Variants in MTERF4 observed in about 807,000 individuals in gnomAD.
MTERF4 encodes mitochondrial transcription termination factor 4, also known as transcription termination factor 4, mitochondrial.
Under a neutral mutation model 22.5 loss-of-function variants are expected in MTERF4, and 17 were observed. The ratio of observed to expected loss-of-function variants is 0.75; its 90% CI spans 0.52 to 1.13. The LOEUF is 1.13. MTERF4 is among the 50% of genes most tolerant of loss of function. The probability of loss-of-function intolerance (pLI) is 0.00; values close to 1 mark genes in which losing one functional copy is unlikely to be tolerated. For synonymous variants in MTERF4, 165 were observed against 175.3 expected, an observed-to-expected ratio of 0.94 and a Z score of 0.47; for missense variants, 420 against 466.8, an observed-to-expected ratio of 0.90 and a Z score of 0.92.
chr2:241,048,236 G>C, the MTERF4 span: 1 of 1,452,850 alleles, frequency 6.9e-7, no homozygotes, highest in Non-Finnish European at 9.1e-7. Context: ...AAACCCAAAG[G>C]TGCCATTGGA....
At chr2:241,063,311 C>G in the MTERF4 span, 5 of 519,788 alleles carry the variant, frequency 9.6e-6, no homozygotes, top group Non-Finnish European at 1.7e-5. Context: ...CCCAGGGAGC[C>G]GTGCCCAGTC....
chr2:241,089,387 G>A (rs891471307), downstream of MTERF4: 8 of 1,550,414 alleles, frequency 5.2e-6, no homozygotes, highest in Admixed American at 3.9e-5. Flanking sequence ...AAGGAGAAAT[G>A]TCATTCAGGA....
downstream of MTERF4, chr2:241,068,772 C>T (rs2062576390): frequency 2.5e-5 from 16 of 629,594 alleles, no homozygotes; most frequent in East Asian, 2.8e-4. The surrounding 1 kb of genome is among the most constrained non-coding windows in gnomAD (Gnocchi z 5.3). Flanking sequence ...GTCTGCCCCT[C>T]GTGGAGGTTG....
chr2:241,071,473 TC>T, downstream of MTERF4: 1 of 1,381,328 alleles, frequency 7.2e-7, no homozygotes, highest in Non-Finnish European at 9.9e-7. Context: ...CCTTCCCTTC[TC>T]CAAGCACGGC....
chr2:241,067,912 C>G, downstream of MTERF4: 2 of 1,613,258 alleles, frequency 1.2e-6, no homozygotes, highest in Non-Finnish European at 1.7e-6. Context: ...ACCAGGCCAC[C>G]GATGTGGACA....
rs1020585648 is a variant in MTERF4 at position 241,073,680 on chromosome 2, A to C, written n.2482T>G. 6.4e-6 allele frequency: 3 copies of C among 467,512 alleles called. No individual in the cohort carries two copies. The highest frequency in any genetic ancestry group is 5.9e-5 in the African/African-American group (3 of 50,654). The allele number at this position is 467,512 out of a possible 1,614,324, so 29.0% of individuals were successfully genotyped here. A position where few individuals can be genotyped will look rare whatever the true frequency, so the allele number is the denominator to read the frequency against. On this transcript the variant is annotated non_coding_transcript_exon_variant, in exon 5 of 5. Coordinates refer to the MTERF4 transcript ENST00000464344. This position sits in a 1 kb window ranked among gnomAD's most constrained non-coding sequence, Gnocchi z 6.6. Reference sequence around the variant, plus strand: ...TTCGCCTCCACATGCAGCAGAGCCCACCCCAGCCCCTGCCTCTGGGCCCCT... The same window carrying C: ...TTCGCCTCCACATGCAGCAGAGCCCCCCCCAGCCCCTGCCTCTGGGCCCCT...
downstream of MTERF4, chr2:241,067,623 C>T (rs1397643430): frequency 4.7e-6 from 3 of 637,850 alleles, no homozygotes; most frequent in Non-Finnish European, 8.0e-6. Flanking sequence ...GCCCGAGTTC[C>T]CTGAGCAGTT....
rs1028069133 is a variant in MTERF4, at chr2:241,073,802, C to T, written n.2360G>A. 2.5e-5 allele frequency: 7 copies of T among 281,966 alleles called. No homozygotes were observed. In the Admixed American group the frequency reaches 3.3e-4, roughly 13 times the overall value. The allele number at this position is 281,966 out of a possible 1,614,324, so 17.5% of individuals were successfully genotyped here. A position where few individuals can be genotyped will look rare whatever the true frequency, so the allele number is the denominator to read the frequency against. On this transcript the variant is annotated non_coding_transcript_exon_variant, in exon 5 of 5. Coordinates refer to the MTERF4 transcript ENST00000464344. The surrounding 1 kb of genome is among the most constrained non-coding windows in gnomAD (Gnocchi z 6.6). The stretch of plus-strand genomic sequence containing the variant: ...AGCCCCAGCTTGAGGACTAGCTGGG[C>T]CCTGTGGACACTCAGGTTATGCAGG...
the MTERF4 span, chr2:241,048,908 G>A: frequency 1.7e-6 from 2 of 1,198,594 alleles, no homozygotes; most frequent in African/African-American, 3.0e-5. Flanking sequence ...GGCCACAAGA[G>A]TGCCTGAACC....
At chr2:241,053,172 G>A in the MTERF4 span, 39 of 1,610,678 alleles carry the variant, frequency 2.4e-5, no homozygotes, top group Admixed American at 8.3e-5. Context: ...GCGGCCCCCC[G>A]GAGGAGGTGA....
chr2:241,063,789 G>T, the MTERF4 span: 3 of 1,037,458 alleles, frequency 2.9e-6, no homozygotes, highest in Non-Finnish European at 4.2e-6. Context: ...ATTCCCTGCT[G>T]GGCAGGCCAC....
At chr2:241,072,803 C>T (rs2125250596) in exon 5 of MTERF4, 1 of 190,284 alleles carries the variant, frequency 5.3e-6, no homozygotes, top group Non-Finnish European at 1.1e-5. Context: ...CCCGAGGGTG[C>T]GGTTGAGATC....
Position 241,096,609 on chromosome 2 carries a change from A to G in MTERF4, c.706-171T>C. 1 of 765,494 alleles carries G rather than the reference A, an allele frequency of 1.3e-6. No individual in the cohort carries two copies. Among genetic ancestry groups the G allele is most frequent in the Non-Finnish European group, 2.3e-6 (1 of 430,156 alleles). The allele number at this position is 765,494 out of a possible 1,614,324, so 47.4% of individuals were successfully genotyped here. Reference sequence around the variant, plus strand: ...CATTTGTGTGACAGCCAGCAGTTTCAAAACACTTTCAAATTCATCCTGAGA... The same window carrying G: ...CATTTGTGTGACAGCCAGCAGTTTCGAAACACTTTCAAATTCATCCTGAGA... On this transcript the variant is annotated intron_variant, in intron 3 of 3. Coordinates refer to ENST00000391980, the MANE Select transcript of MTERF4 (RefSeq NM_182501.4). The surrounding 1 kb of genome is among the most constrained non-coding windows in gnomAD (Gnocchi z 5.1).
chr2:241,088,820 G>A (rs1008241845), downstream of MTERF4: 11 of 221,554 alleles, frequency 5.0e-5, no homozygotes, highest in Non-Finnish European at 4.4e-5. Flanking sequence ...GAGAAATTCC[G>A]GGGGCTCCAG....
At chr2:241,084,092 T>G (rs1440168053), downstream of MTERF4, among the ~76,000 whole-genome samples, 2 of 151,894 alleles carry the variant, frequency 1.3e-5, no homozygotes, top group African/African-American at 2.4e-5. Flanking sequence ...AATGTACCCT[T>G]AATTACTATT....
At chr2:241,071,856 C>A, downstream of MTERF4, 1 of 1,605,042 alleles carries the variant, frequency 6.2e-7, no homozygotes, top group Non-Finnish European at 8.5e-7. Context: ...GCTCACCCAG[C>A]AAAGCAGCCA....
At chr2:241,102,071 T>C in intron 1 of MTERF4, 182 bp downstream of exon 1, 1 of 735,198 alleles carries the variant, frequency 1.4e-6, no homozygotes, top group Non-Finnish European at 2.2e-6. Flanking sequence ...AAATGTCAAC[T>C]CTATATCCCA....
chr2:241,076,950 G>T (rs2063052385), intron 4 of MTERF4, among the ~76,000 whole-genome samples: 1 of 152,180 alleles, frequency 6.6e-6, no homozygotes, highest in African/African-American at 2.4e-5. Flanking sequence ...ATGGTGGCGG[G>T]CGCCTGTGGT....
At chr2:241,063,943 C>A in the MTERF4 span, 1 of 1,192,662 alleles carries the variant, frequency 8.4e-7, no homozygotes, top group Non-Finnish European at 1.2e-6. Context: ...CCCTTCTTCC[C>A]GCTGTCCTCT....
Sources: gnomAD v4.1 joint callset for allele counts (sites outside exome capture counted in the v4.1 genomes callset) on GRCh38, gnomAD v4.1.1 for gene constraint, Gnocchi (gnomAD v3.1) non-coding constraint, MANE v1.5 for transcripts, NCBI Gene and HGNC (gene_info 2026-07-23, HGNC 2026-07-21) for gene names.